Variants in UTP11 observed in about 807,000 individuals in gnomAD.
The protein encoded by UTP11 is UTP11 small subunit processome component, also known as probable U3 small nucleolar RNA-associated protein 11.
Under a neutral mutation model 39.0 loss-of-function variants are expected in UTP11, and 29 were observed. The observed-to-expected ratio is 0.74, with a 90% CI of 0.55 to 1.01. UTP11 has a LOEUF of 1.01. Ranked by LOEUF, UTP11 falls within the 50% of genes least tolerant of loss-of-function variation. The pLI is 0.00. For synonymous variants in UTP11, 111 were observed against 105.0 expected (o/e 1.06, Z -0.35); for missense variants, 281 against 306.0 (o/e 0.92, Z 0.61).
At chr1:38,021,047 G>A (rs893528081) in intron 6 of UTP11, among the ~76,000 whole-genome samples, 1 of 151,544 alleles carries the variant, frequency 6.6e-6, no homozygotes, top group East Asian at 1.9e-4. Context: ...TCAGCCTCCC[G>A]AGTAGCTGGG....
At chr1:38,018,921 T>TA (rs1646720851) in intron 4 of UTP11, 138 bp from the exon 5 acceptor site, 1 of 773,554 alleles carries the variant, frequency 1.3e-6, no homozygotes, top group Non-Finnish European at 2.0e-6. Context: ...GTTGGGATCC[T>TA]TTCCTTTAAA....
chr1:38,014,725 C>T (rs1247659647), intron 1 of UTP11, among the ~76,000 whole-genome samples: 1 of 152,124 alleles, frequency 6.6e-6, no homozygotes, highest in Non-Finnish European at 1.5e-5. Flanking sequence ...CAGGCTCGAC[C>T]CCCTCACTCA....
intron 3 of UTP11, among the ~76,000 whole-genome samples, chr1:38,017,980 G>C (rs945943975): frequency 2.0e-5 from 3 of 152,094 alleles, no homozygotes; most frequent in African/African-American, 7.2e-5. Context: ...ACCTGGAGCT[G>C]TTCTAGGACA....
intron 1 of UTP11, among the ~76,000 whole-genome samples, chr1:38,013,777 C>T (rs1436971241): frequency 2.0e-5 from 3 of 152,100 alleles, no homozygotes; most frequent in Non-Finnish European, 4.4e-5. Flanking sequence ...TGCAGTGGCA[C>T]GATCTCGCCT....
In UTP11 at chr1:38,023,594, C is replaced by T; in HGVS notation, c.728C>T (p.Ala243Val). The T allele has an allele frequency of 6.2e-7, 1 of 1,611,204 alleles. No individual in the cohort carries two copies. The change falls in exon 8 of 8, where the codon GCT becomes GTT. Residue 243 changes from alanine to valine, a missense_variant. By Grantham distance (64) the Ala-to-Val change is moderately conservative. Coordinates refer to ENST00000373014, the MANE Select transcript of UTP11 (RefSeq NM_016037.4). ...KVKKETVNSP[A>V]IYKFQSRRKR ...AAGAAAGAAACGGTGAACTCCCCAG[C>T]TATTTATAAATTTCAGAGTCGTCGA...
Position 38,022,752 on chromosome 1 carries a change from A to T in UTP11, c.621A>T (p.Glu207Asp), listed in dbSNP as rs1646745391. Residue 207 changes from glutamate to aspartate, a missense_variant, in exon 7 of 8, where the codon GAA (glutamate) becomes GAT (aspartate). Coordinates refer to ENST00000373014, the MANE Select transcript of UTP11 (RefSeq NM_016037.4). ...ATAACTGCCTGACACAGCGGATTGAACGAGAGAAGAAATTGTTCGTTATTG... is the reference window on the plus strand; with the variant it reads ...ATAACTGCCTGACACAGCGGATTGATCGAGAGAAGAAATTGTTCGTTATTG... Reference protein sequence around the residue: ...KQYNCLTQRIEREKKLFVIAQ... With the variant: ...KQYNCLTQRIDREKKLFVIAQ... 1 of 1,614,124 alleles carries T rather than the reference A, an allele frequency of 6.2e-7. No homozygotes were observed. The highest frequency in any genetic ancestry group is 8.5e-7 in the Non-Finnish European group (1 of 1,179,966).
rs1306586976 is a variant in UTP11 at position 38,024,488 on chromosome 1, C to T, written c.*860C>T. ...CGCAATCTCGGCTCACTGCAAGCTC[C>T]GCTTCCCGGGTTCACGCCATTCTCC... On this transcript the variant is annotated 3_prime_UTR_variant, in exon 8 of 8. Transcript: ENST00000373014. 8.6e-5 allele frequency: 13 copies of T among 151,310 alleles called. No homozygotes were observed. Among genetic ancestry groups the T allele is most frequent in the South Asian group, 2.1e-4 (1 of 4,786 alleles). 9.4% of individuals were successfully genotyped at this position (151,310 alleles called of 1,614,324 possible).
In UTP11 at chr1:38,024,509, TCTC is replaced by T. The variant is rs1646754484; in HGVS notation, c.*884_*886del. The T allele has an allele frequency of 6.6e-6, 1 of 151,486 alleles. No individual in the cohort carries two copies. The highest frequency in any genetic ancestry group is 1.5e-5 in the Non-Finnish European group (1 of 67,872). The allele number at this position is 151,486 out of a possible 1,614,324, so 9.4% of individuals were successfully genotyped here. ...GCTCCGCTTCCCGGGTTCACGCCATTCTCCTGCCTCAGCCTCCCGAGTAGCTGG... is the reference window on the plus strand; with the variant it reads ...GCTCCGCTTCCCGGGTTCACGCCATTCTGCCTCAGCCTCCCGAGTAGCTGG... On this transcript the variant is annotated 3_prime_UTR_variant, in exon 8 of 8. Transcript: ENST00000373014.
chr1:38,018,016 G>A (rs931644628), intron 3 of UTP11, among the ~76,000 whole-genome samples: 3 of 152,002 alleles, frequency 2.0e-5, no homozygotes, highest in African/African-American at 7.2e-5. Context: ...TACATTGAAC[G>A]TACGCCTCAG....
Position 38,019,264 on chromosome 1 carries a change from G to A in UTP11, c.448G>A (p.Asp150Asn). The A allele has an allele frequency of 6.2e-7, 1 of 1,614,102 alleles. No homozygotes were observed. Among genetic ancestry groups the A allele is most frequent in the Non-Finnish European group, 8.5e-7 (1 of 1,180,012 alleles). ...GTCTTGAATTTTAGTTGAACAGTTTGATGTCGCAACTCACCTGCAAACAGC... is the reference window on the plus strand; with the variant it reads ...GTCTTGAATTTTAGTTGAACAGTTTAATGTCGCAACTCACCTGCAAACAGC... ...FDTKKEVEQF[D>N]VATHLQTAPE... The change falls in exon 6 of 8, where the codon GAT (aspartate) becomes AAT (asparagine). Residue 150 changes from aspartate to asparagine, a missense_variant. Coordinates refer to ENST00000373014, the MANE Select transcript of UTP11 (RefSeq NM_016037.4).
intron 1 of UTP11, among the ~76,000 whole-genome samples, chr1:38,015,596 A>G (rs1646703481): frequency 6.6e-6 from 1 of 152,238 alleles, no homozygotes; most frequent in Non-Finnish European, 1.5e-5. Context: ...AGCACATTGC[A>G]AGACCCTGAC....
intron 6 of UTP11, among the ~76,000 whole-genome samples, chr1:38,021,605 A>G (rs1189623822): frequency 1.3e-5 from 2 of 152,158 alleles, no homozygotes; most frequent in Admixed American, 1.3e-4. Context: ...CTCAAGAAAC[A>G]TCCCATGCTG....
In UTP11 at chr1:38,022,713, A is replaced by G; in HGVS notation, c.582A>G (p.Glu194=). 1 of 1,613,732 alleles carries G rather than the reference A, an allele frequency of 6.2e-7. No individual in the cohort carries two copies. The highest frequency in any genetic ancestry group is 8.5e-7 in the Non-Finnish European group (1 of 1,179,714). ...NQTGLKRIAK[E]RQKQYNCLTQ... Reference sequence around the variant, plus strand: ...TTCTTCTCCAGCGAATAGCTAAAGAAAGGCAAAAGCAGTATAACTGCCTGA... The same window carrying G: ...TTCTTCTCCAGCGAATAGCTAAAGAGAGGCAAAAGCAGTATAACTGCCTGA... The change falls in exon 7 of 8, where the codon GAA becomes GAG. Residue 194 remains glutamate (E), a synonymous_variant. Transcript: ENST00000373014.
At chr1:38,022,552 A>G (rs1319732118) in intron 6 of UTP11, 147 bp from the exon 7 acceptor site, 6 of 616,500 alleles carry the variant, frequency 9.7e-6, no homozygotes, top group Non-Finnish European at 1.7e-5. Context: ...AAAATGGGCA[A>G]CGTTATTGTT....
chr1:38,018,392 C>G, intron 3 of UTP11, 72 bp from the exon 4 acceptor site: 1 of 1,163,762 alleles, frequency 8.6e-7, no homozygotes, highest in Non-Finnish European at 1.3e-6. Context: ...TTGTTCTAGC[C>G]GTGCACTGTG....
At chr1:38,019,458 C>A in intron 6 of UTP11, 75 bp downstream of exon 6, 1 of 961,718 alleles carries the variant, frequency 1.0e-6, no homozygotes, top group Non-Finnish European at 1.4e-6. Flanking sequence ...TTTTTTTTTG[C>A]TACTGCATTT....
At chr1:38,019,184 C>CT in intron 5 of UTP11, 32 bp downstream of exon 5, 1 of 1,613,826 alleles carries the variant, frequency 6.2e-7, no homozygotes, top group Non-Finnish European at 8.5e-7. Flanking sequence ...CTGGGACAGT[C>CT]TACCATGCCA....
At chr1:38,019,025 C>G (rs781708490) in intron 4 of UTP11, 34 bp from the exon 5 acceptor site, 2 of 1,433,374 alleles carry the variant, frequency 1.4e-6, no homozygotes, top group East Asian at 2.3e-5. Flanking sequence ...CTAGAAGAAT[C>G]TAATATAAAG....
In UTP11 at chr1:38,016,446, C is replaced by T. The variant is rs139634687; in HGVS notation, c.125+26C>T. The T allele has an allele frequency of 2.9e-4, 475 of 1,612,908 alleles. 1 individual carries two copies. In the African/African-American group the frequency reaches 5.0e-3, roughly 17 times the overall value. ...GTGAGTTCAGTCTTTCTGGTAGAGGCGCTGCCAAGAAAGCTTACAACCTCC... is the reference window on the plus strand; with the variant it reads ...GTGAGTTCAGTCTTTCTGGTAGAGGTGCTGCCAAGAAAGCTTACAACCTCC... On this transcript the variant is annotated intron_variant, in intron 2 of 7. Coordinates refer to ENST00000373014, the MANE Select transcript of UTP11 (RefSeq NM_016037.4).
Sources: gnomAD v4.1 joint callset for allele counts (sites outside exome capture counted in the v4.1 genomes callset) on GRCh38, gnomAD v4.1.1 for gene constraint, MANE v1.5 for transcripts, NCBI Gene and HGNC (gene_info 2026-07-23, HGNC 2026-07-21) for gene names.